Variants in CLCN5 observed in about 807,000 individuals in gnomAD.
The protein encoded by CLCN5 is Cl-/H+ antiporter 5.
A neutral mutation model predicts 54.0 loss-of-function variants in CLCN5; 17 were observed. That is an observed-to-expected ratio of 0.31 (90% CI 0.22 to 0.47). CLCN5 has a LOEUF of 0.47. CLCN5 is among the 20% of genes least tolerant of loss of function. The pLI is 1.00. For missense variants in CLCN5, 448 were observed against 646.7 expected, an observed-to-expected ratio of 0.69 and a Z score of 3.33; for synonymous variants, 222 against 233.0, an observed-to-expected ratio of 0.95 and a Z score of 0.43.
At chrX:49,992,051 T>A (rs1190207402) in intron 3 of CLCN5, among the ~76,000 whole-genome samples, 1 of 111,331 alleles carries the variant, frequency 9.0e-6, no homozygotes, top group Non-Finnish European at 1.9e-5. Context: ...TCAGTTCATT[T>A]ATTTTTTTAA....
At position 50,090,727 on chromosome X, in the gene CLCN5, A is replaced by C. The variant is rs147378499; in HGVS notation, c.2201A>C (p.Glu734Ala). The change falls in exon 14 of 15, where the codon GAG becomes GCG. Residue 734 changes from glutamate to alanine, a missense_variant. Glu to Ala is a moderately radical substitution (Grantham distance 107). Around this residue, in one of 5 missense-constraint regions of CLCN5, gnomAD observed 297 missense variants for 470.4 expected, o/e 0.63. Transcript: ENST00000376091. ...AGCACTTCCATCATTTATTTCACGG[A>C]GCATTCTCCTCCATTGCCACCATAC... ...VVSTSIIYFT[E>A]HSPPLPPYTP... 59 of 1,208,876 alleles carry C rather than the reference A, an allele frequency of 4.9e-5. No individual in the cohort carries two copies. The highest frequency in any genetic ancestry group is 6.4e-5 in the Non-Finnish European group (57 of 894,759).
chrX:50,012,104 T>TGAA, intron 3 of CLCN5, among the ~76,000 whole-genome samples: 1 of 111,303 alleles, frequency 9.0e-6, no homozygotes, highest in East Asian at 2.8e-4. Context: ...AGTGAGCATG[T>TGAA]TTAAGAGAAG....
At chrX:50,081,987 C>T in intron 9 of CLCN5, 140 bp downstream of exon 9, 1 of 546,349 alleles carries the variant, frequency 1.8e-6, no homozygotes, top group Non-Finnish European at 3.1e-6. Flanking sequence ...GGAATTTATC[C>T]TACAGATATC....
intron 4 of CLCN5, among the ~76,000 whole-genome samples, chrX:50,048,993 C>G (rs782805210): frequency 9.0e-6 from 1 of 110,911 alleles, no homozygotes; most frequent in East Asian, 2.8e-4. Flanking sequence ...ATACTCATGT[C>G]TCTAATTCTA....
At chrX:49,981,449 TCAAA>T (rs1557177681) in intron 3 of CLCN5, among the ~76,000 whole-genome samples, 1 of 111,526 alleles carries the variant, frequency 9.0e-6, no homozygotes, top group East Asian at 2.8e-4. Context: ...AAAATGATGA[TCAAA>T]CAAACAAAAC....
intron 3 of CLCN5, chrX:50,008,471 G>C (rs782115428): frequency 2.8e-6 from 1 of 352,563 alleles, no homozygotes; most frequent in Non-Finnish European, 5.8e-6. Context: ...TGAGAGTGCT[G>C]TCTGAATGCA....
At chrX:49,988,984 G>A (rs1302584981) in intron 3 of CLCN5, among the ~76,000 whole-genome samples, 1 of 110,937 alleles carries the variant, frequency 9.0e-6, no homozygotes, top group Non-Finnish European at 1.9e-5. Context: ...GAGAGCCCCA[G>A]GTGGGTTCAC....
chrX:50,064,371 C>T lies in CLCN5; in HGVS notation c.164-5508C>T, dbSNP rs1324767359. 2.3e-4 allele frequency among the ~76,000 whole-genome samples: 22 copies of T among 93,926 alleles called. 1 individual carries two copies. The Admixed American group carries it at 2.7e-3, about 11-fold the overall frequency. The allele number at this position is 93,926 out of a possible 115,157, so 81.6% of individuals were successfully genotyped here. ...AGCATTCCTATACACCAACAACAGA[C>T]AAACAGAGAGCCAAATCATGAGTGA... is the stretch of plus-strand genomic sequence containing the variant. On this transcript the variant is annotated intron_variant, in intron 4 of 14. Transcript: ENST00000376091.
chrX:49,973,284 A>C (rs1928310862), intron 3 of CLCN5, among the ~76,000 whole-genome samples: 1 of 111,963 alleles, frequency 8.9e-6, no homozygotes, highest in Admixed American at 9.5e-5. Flanking sequence ...TATAGGAAGA[A>C]AATAATTAGT....
intron 3 of CLCN5, among the ~76,000 whole-genome samples, chrX:50,039,536 A>G (rs782506674): frequency 9.0e-6 from 1 of 111,348 alleles, no homozygotes; most frequent in Non-Finnish European, 1.9e-5. Context: ...GTGTGTTGCA[A>G]TGTTCACTGT....
chrX:49,989,363 G>A (rs1929144572), intron 3 of CLCN5, among the ~76,000 whole-genome samples: 1 of 111,780 alleles, frequency 8.9e-6, no homozygotes, highest in East Asian at 2.8e-4. Context: ...CAAGTAGCCT[G>A]AGATACTAAA....
intron 3 of CLCN5, among the ~76,000 whole-genome samples, chrX:50,027,017 C>CTT (rs113714534): frequency 1.3e-4 from 13 of 98,168 alleles, no homozygotes; most frequent in African/African-American, 3.7e-4. Context: ...TTCTTTCTTT[C>CTT]TTTTTTTTTT....
At chrX:50,050,110 A>G (rs916195125) in intron 4 of CLCN5, among the ~76,000 whole-genome samples, 7 of 112,132 alleles carry the variant, frequency 6.2e-5, no homozygotes, top group Non-Finnish European at 1.1e-4. Context: ...ACTGAAGGAC[A>G]TCTTGGTTGC....
At chrX:50,045,368 G>A (rs1932361770) in intron 4 of CLCN5, among the ~76,000 whole-genome samples, 1 of 112,058 alleles carries the variant, frequency 8.9e-6, no homozygotes, top group African/African-American at 3.2e-5. Context: ...TACTGAGTCA[G>A]TTACACCAAT....
intron 4 of CLCN5, among the ~76,000 whole-genome samples, chrX:50,066,225 C>T: frequency 1.2e-5 from 1 of 84,725 alleles, no homozygotes; most frequent in African/African-American, 7.4e-5. Flanking sequence ...AAGACAGTCA[C>T]AGTTGGGCCA....
At chrX:50,086,905 C>G in intron 11 of CLCN5, 35 bp downstream of exon 11, 4 of 1,174,536 alleles carry the variant, frequency 3.4e-6, no homozygotes, top group Non-Finnish European at 4.6e-6. Context: ...TGGCTGCATG[C>G]GTAGCTGTGG....
intron 3 of CLCN5, among the ~76,000 whole-genome samples, chrX:49,925,884 C>T (rs781812870): frequency 6.2e-5 from 7 of 112,552 alleles, no homozygotes; most frequent in African/African-American, 2.3e-4. Context: ...TTACATCTCT[C>T]ATGAACTTGT....
At chrX:49,963,037 G>C (rs1373175473) in intron 3 of CLCN5, among the ~76,000 whole-genome samples, 1 of 111,867 alleles carries the variant, frequency 8.9e-6, no homozygotes, top group Non-Finnish European at 1.9e-5. Context: ...AGAAGTGAGA[G>C]ACATAAATTG....
chrX:49,932,379 C>A (rs1557168994), intron 3 of CLCN5, among the ~76,000 whole-genome samples: 1 of 112,278 alleles, frequency 8.9e-6, no homozygotes, highest in Admixed American at 9.4e-5. Context: ...TTTTATCTTC[C>A]TTTTTTTATA....
Sources: gnomAD v4.1 joint callset for allele counts (sites outside exome capture counted in the v4.1 genomes callset) on GRCh38, gnomAD v4.1.1 for gene constraint, gnomAD v4.1.1 regional missense constraint, MANE v1.5 for transcripts, NCBI Gene and HGNC (gene_info 2026-07-23, HGNC 2026-07-21) for gene names.